Variants in EPHA5 observed in about 807,000 individuals in gnomAD.
EPHA5 encodes ephrin type-A receptor 5.
Under a neutral mutation model 105.0 loss-of-function variants are expected in EPHA5, and 60 were observed. The ratio of observed to expected loss-of-function variants is 0.57; its 90% CI spans 0.46 to 0.71. The LOEUF (loss-of-function observed/expected upper bound fraction) is 0.71. EPHA5 is among the 30% of genes least tolerant of loss of function. The pLI is 0.00. For missense variants in EPHA5, 1,218 were observed against 1,274.7 expected (o/e 0.96, Z 0.68); for synonymous variants, 513 against 449.1 (o/e 1.14, Z -1.80).
In EPHA5 at chr4:65,593,453, G is replaced by A. The variant is rs115532297; in HGVS notation, c.910+8188C>T. ...AGAAAAACACACTCACTGCAAGAGT[G>A]CTTTCTTTCAGTGCTTCTTAAACTT... On this transcript the variant is annotated intron_variant, in intron 3 of 16. Coordinates refer to ENST00000613740, the MANE Select transcript of EPHA5 (RefSeq NM_001281766.3). 9.4e-3 allele frequency among the ~76,000 whole-genome samples: 1,437 copies of A among 152,242 alleles called. 7 individuals are homozygous for A. Among genetic ancestry groups the A allele is most frequent in the Non-Finnish European group, 0.015 (1,027 of 68,006 alleles).
At chr4:65,563,801 G>T (rs1246031227) in intron 3 of EPHA5, among the ~76,000 whole-genome samples, 4 of 152,032 alleles carry the variant, frequency 2.6e-5, no homozygotes, top group Non-Finnish European at 4.4e-5. Flanking sequence ...CTATTGAAAA[G>T]TCTGATGAGT....
intron 3 of EPHA5, among the ~76,000 whole-genome samples, chr4:65,574,721 CAT>C (rs1213463466): frequency 3.2e-4 from 22 of 69,440 alleles, no homozygotes; most frequent in African/African-American, 5.3e-4. Flanking sequence ...TATATATATA[CAT>C]ATATATACAT....
chr4:65,618,123 C>G (rs988528069), intron 2 of EPHA5, among the ~76,000 whole-genome samples: 1 of 152,098 alleles, frequency 6.6e-6, no homozygotes, highest in Non-Finnish European at 1.5e-5. Context: ...AGTTCAAACA[C>G]TGGGACACAG....
intron 5 of EPHA5, among the ~76,000 whole-genome samples, chr4:65,478,956 T>C (rs1024497452): frequency 6.6e-6 from 1 of 152,212 alleles, no homozygotes; most frequent in African/African-American, 2.4e-5. Context: ...TTGTTATCTG[T>C]AGAATCATGG....
At chr4:65,625,997 A>G (rs1390230603) in intron 2 of EPHA5, among the ~76,000 whole-genome samples, 1 of 151,362 alleles carries the variant, frequency 6.6e-6, no homozygotes, top group Non-Finnish European at 1.5e-5. Flanking sequence ...CTACTCGGAG[A>G]GGCTGAGGCA....
chr4:65,575,930 C>T (rs2149386168), intron 3 of EPHA5, among the ~76,000 whole-genome samples: 1 of 147,934 alleles, frequency 6.8e-6, no homozygotes, highest in Non-Finnish European at 1.5e-5. Context: ...TGAGCCAGGA[C>T]CGTGCCACTG....
intron 3 of EPHA5, among the ~76,000 whole-genome samples, chr4:65,563,152 T>C (rs1739191814): frequency 6.6e-6 from 1 of 152,038 alleles, no homozygotes; most frequent in African/African-American, 2.4e-5. Context: ...GTTTTAGCCA[T>C]ACATAGTTCT....
At chr4:65,525,020 A>G (rs1735100245) in intron 3 of EPHA5, among the ~76,000 whole-genome samples, 1 of 151,738 alleles carries the variant, frequency 6.6e-6, no homozygotes, top group Non-Finnish European at 1.5e-5. Flanking sequence ...TCTTAGAAAT[A>G]TCTACCATAT....
chr4:65,665,471 C>A (rs939393181), intron 1 of EPHA5, among the ~76,000 whole-genome samples: 1 of 152,042 alleles, frequency 6.6e-6, no homozygotes, highest in African/African-American at 2.4e-5. Context: ...TACAAAAACA[C>A]ATACTCTAAG....
intron 5 of EPHA5, among the ~76,000 whole-genome samples, chr4:65,438,823 C>T: frequency 6.6e-6 from 1 of 151,672 alleles, no homozygotes; most frequent in East Asian, 1.9e-4. Context: ...AAAGAAAGGA[C>T]ATTAAAGGTT....
intron 2 of EPHA5, among the ~76,000 whole-genome samples, chr4:65,603,175 C>A (rs1305805875): frequency 1.3e-5 from 2 of 151,924 alleles, no homozygotes; most frequent in Non-Finnish European, 2.9e-5. Context: ...ATATAGCTTC[C>A]AAAATATTAT....
At chr4:65,332,224 G>A (rs1720692927) in intron 15 of EPHA5, 96 bp from the exon 16 acceptor site, 1 of 993,980 alleles carries the variant, frequency 1.0e-6, no homozygotes, top group South Asian at 1.9e-5. Flanking sequence ...GGATCTTTGA[G>A]TCTGTAAGTA....
intron 1 of EPHA5, among the ~76,000 whole-genome samples, chr4:65,648,821 A>G (rs1462333871): frequency 2.0e-5 from 3 of 152,300 alleles, no homozygotes; most frequent in Non-Finnish European, 2.9e-5. Flanking sequence ...GCCTCTCTCC[A>G]TGGTCCCATT....
intron 3 of EPHA5, among the ~76,000 whole-genome samples, chr4:65,597,441 T>C (rs983935707): frequency 2.4e-5 from 3 of 123,962 alleles, no homozygotes; most frequent in Non-Finnish European, 5.3e-5. Context: ...AATGTGTTTT[T>C]GCTAACCATT....
intron 1 of EPHA5, among the ~76,000 whole-genome samples, chr4:65,664,594 G>A (rs185683975): frequency 3.3e-5 from 5 of 151,682 alleles, no homozygotes; most frequent in Admixed American, 6.6e-5. Context: ...AGTATACAAC[G>A]GACTATAATA....
chr4:65,556,530 AC>A (rs1389235506), intron 3 of EPHA5, among the ~76,000 whole-genome samples: 1 of 152,202 alleles, frequency 6.6e-6, no homozygotes, highest in African/African-American at 2.4e-5. Flanking sequence ...TCTATGACTA[AC>A]AATGTATTTG....
chr4:65,341,964 T>C (rs1721769815), intron 14 of EPHA5, among the ~76,000 whole-genome samples: 1 of 152,182 alleles, frequency 6.6e-6, no homozygotes, highest in Non-Finnish European at 1.5e-5. Context: ...GATTCTAAGA[T>C]ATATCCGTTT....
At chr4:65,448,648 G>T (rs548023142) in intron 5 of EPHA5, among the ~76,000 whole-genome samples, 5 of 151,802 alleles carry the variant, frequency 3.3e-5, no homozygotes, top group African/African-American at 1.2e-4. Flanking sequence ...ACTCCATCTC[G>T]AAAACATAGA....
chr4:65,531,952 A>G (rs35190228), intron 3 of EPHA5, among the ~76,000 whole-genome samples: 37,611 of 152,142 alleles, frequency 0.25, 4,871 homozygotes, highest in Middle Eastern at 0.33. Flanking sequence ...AAATAAGGCC[A>G]TGTGTATACG....
Sources: gnomAD v4.1 joint callset for allele counts (sites outside exome capture counted in the v4.1 genomes callset) on GRCh38, gnomAD v4.1.1 for gene constraint, MANE v1.5 for transcripts, NCBI Gene and HGNC (gene_info 2026-07-23, HGNC 2026-07-21) for gene names.